MPV17: variants seen among roughly 807,000 people sequenced by gnomAD.
MPV17 encodes the protein mitochondrial inner membrane protein MPV17, also known as MPV17, mitochondrial inner membrane protein.
In MPV17, 31 loss-of-function variants were observed where a neutral mutation model predicts 28.6. That is an observed-to-expected ratio of 1.08 (90% CI 0.81 to 1.46). MPV17 has a LOEUF of 1.46. MPV17 is among the 40% of genes most tolerant of loss of function. The pLI, the probability that MPV17 is intolerant of heterozygous loss-of-function variation, is 0.00. For synonymous variants in MPV17, 87 were observed against 85.3 expected, an observed-to-expected ratio of 1.02 and a Z score of -0.11; for missense variants, 198 against 216.2, an observed-to-expected ratio of 0.92 and a Z score of 0.53.
chr2:27,322,713 A>C, intron 1 of MPV17, 191 bp from the exon 2 acceptor site: 1 of 613,678 alleles, frequency 1.6e-6, no homozygotes, highest in Admixed American at 2.7e-5. Flanking sequence ...ATTGGGGAAG[A>C]GAGAAAGGCT....
intron 2 of MPV17, among the ~76,000 whole-genome samples, chr2:27,318,474 C>A (rs1350151177): frequency 2.0e-5 from 3 of 152,214 alleles, no homozygotes; most frequent in Non-Finnish European, 4.4e-5. Flanking sequence ...TCTCCTGCCT[C>A]AGCCTCCTGA....
rs991796013 is a variant in MPV17 at position 27,311,447 on chromosome 2, A to T, written c.461+452T>A. On this transcript the variant is annotated intron_variant, in intron 7 of 7. Coordinates refer to ENST00000380044, the MANE Select transcript of MPV17 (RefSeq NM_002437.5). ...TTCCATATTTTCCCCTGTTCCCACG[A>T]TCCTTCACCTTCAAGCATTTGAACC... 6.3e-6 allele frequency: 5 copies of T among 790,538 alleles called. No homozygotes were observed. The Admixed American group carries it at 1.3e-4, about 21-fold the overall frequency. The allele number at this position is 790,538 out of a possible 1,614,324, so 49.0% of individuals were successfully genotyped here.
At chr2:27,310,556 C>A (rs1245368060) in intron 7 of MPV17, among the ~76,000 whole-genome samples, 1 of 152,184 alleles carries the variant, frequency 6.6e-6, no homozygotes, top group African/African-American at 2.4e-5. Flanking sequence ...CAGAAAGGGC[C>A]CCTATCTGGG....
At chr2:27,314,171 T>G (rs911678512) in intron 2 of MPV17, among the ~76,000 whole-genome samples, 2 of 152,010 alleles carry the variant, frequency 1.3e-5, no homozygotes, top group Non-Finnish European at 2.9e-5. Context: ...CAAAAAATTT[T>G]TTTAAACAAT....
chr2:27,315,010 A>T lies in MPV17; in HGVS notation c.71-1901T>A, dbSNP rs13420322. Among the ~76,000 whole-genome samples, 535 of 152,020 alleles carry T rather than the reference A, an allele frequency of 3.5e-3. 2 individuals carry two copies. The highest frequency in any genetic ancestry group is 0.012 in the African/African-American group (516 of 41,442). ...TACTGGCCATGGAGCAGCTCTGGGCACCCCCAGTCCTGCCTCGTCTCTCCC... is the reference window on the plus strand; with the variant it reads ...TACTGGCCATGGAGCAGCTCTGGGCTCCCCCAGTCCTGCCTCGTCTCTCCC... On this transcript the variant is annotated intron_variant, in intron 2 of 7. Transcript: ENST00000380044.
At chr2:27,314,245 G>A (rs1459837008) in intron 2 of MPV17, among the ~76,000 whole-genome samples, 3 of 152,116 alleles carry the variant, frequency 2.0e-5, no homozygotes, top group Non-Finnish European at 4.4e-5. Flanking sequence ...TAGGAGGACT[G>A]TTTGAGCCCA....
Position 27,309,933 on chromosome 2 carries a change from G to C in MPV17, c.510C>G (p.Ser170=), listed in dbSNP as rs1679365083. The C allele has an allele frequency of 6.2e-7, 1 of 1,613,886 alleles. No individual in the cohort carries two copies. Among genetic ancestry groups the C allele is most frequent in the African/African-American group, 1.3e-5 (1 of 74,926 alleles). Reference sequence around the variant, plus strand: ...AGGCTTAGAGCCGATGTGCCTTCCAGGACAGGTAGGAGTTCCAGATAACAG... The same window carrying C: ...AGGCTTAGAGCCGATGTGCCTTCCACGACAGGTAGGAGTTCCAGATAACAG... ...CVAVIWNSYL[S]WKAHRL Residue 170 remains serine, a synonymous_variant, in exon 8 of 8, where the codon TCC becomes TCG. Coordinates refer to ENST00000380044, the MANE Select transcript of MPV17 (RefSeq NM_002437.5).
intron 3 of MPV17, 68 bp downstream of exon 3, chr2:27,312,926 G>T (rs1679509703): frequency 6.3e-7 from 1 of 1,585,972 alleles, no homozygotes; most frequent in Non-Finnish European, 8.7e-7. Flanking sequence ...TCCAAGGGAA[G>T]CCAAAGGATG....
intron 2 of MPV17, among the ~76,000 whole-genome samples, chr2:27,318,559 T>C (rs1266014941): frequency 6.6e-6 from 1 of 151,168 alleles, no homozygotes; most frequent in Non-Finnish European, 1.5e-5. Flanking sequence ...GACTTCACCA[T>C]GTTGGCCAGG....
At chr2:27,312,062 G>C (rs1208006193) in intron 6 of MPV17, 111 bp from the exon 7 acceptor site, 5 of 1,465,948 alleles carry the variant, frequency 3.4e-6, no homozygotes, top group Non-Finnish European at 3.8e-6. Context: ...GTGAACAGTT[G>C]GGTGATGGCT....
chr2:27,313,058 C>T lies in MPV17; in HGVS notation c.122G>A (p.Arg41Gln), dbSNP rs140992482. 4.0e-5 allele frequency: 65 copies of T among 1,614,168 alleles called. No homozygotes were observed. The highest frequency in any genetic ancestry group is 1.6e-4 in the Middle Eastern group (1 of 6,062). The stretch of plus-strand genomic sequence containing the variant: ...GCCTCTCTGGTGTTCCTGCAGACCC[C>T]GCCTCTCCACCAGCTGCTGTGAGAT... Reference protein sequence around the residue: ...DIISQQLVERRGLQEHQRGRT... With the variant: ...DIISQQLVERQGLQEHQRGRT... The change falls in exon 3 of 8, where the codon CGG (arginine) becomes CAG (glutamine). Residue 41 changes from arginine (R) to glutamine (Q), a missense_variant. Coordinates refer to ENST00000380044, the MANE Select transcript of MPV17 (RefSeq NM_002437.5).
intron 2 of MPV17, chr2:27,322,141 G>A (rs1679883860): frequency 2.1e-6 from 1 of 474,522 alleles, no homozygotes; most frequent in South Asian, 2.4e-5. Context: ...TTTGCATACG[G>A]TAAAATGTTT....
intron 2 of MPV17, chr2:27,316,076 G>A: frequency 6.4e-7 from 1 of 1,550,640 alleles, no homozygotes; most frequent in South Asian, 1.2e-5. Flanking sequence ...CAAAGGGCCT[G>A]CATATCAAAG....
rs1447977629 is a variant in MPV17 at position 27,316,060 on chromosome 2, A to T, written c.71-2951T>A. 5 of 1,550,092 alleles carry T rather than the reference A, an allele frequency of 3.2e-6. No homozygotes were observed. In the South Asian group the frequency reaches 6.0e-5, roughly 18 times the overall value. ...CCTGCTGGGTGTTCCTGCCCAAGTG[A>T]GGCCCCAAAGGGCCTGCATATCAAA... On this transcript the variant is annotated intron_variant, in intron 2 of 7. Coordinates refer to ENST00000380044, the MANE Select transcript of MPV17 (RefSeq NM_002437.5).
Position 27,317,090 on chromosome 2 carries a change from T to C in MPV17, c.71-3981A>G. 6.5e-7 allele frequency: 1 copy of C among 1,548,390 alleles called. No individual in the cohort carries two copies. The highest frequency in any genetic ancestry group is 8.7e-7 in the Non-Finnish European group (1 of 1,146,572). Reference sequence around the variant, plus strand: ...TTCCTCTACTTACTTTTGTGGCTTTTGAGTTTCATGCGCAGAAGGCAGAGG... The same window carrying C: ...TTCCTCTACTTACTTTTGTGGCTTTCGAGTTTCATGCGCAGAAGGCAGAGG... On this transcript the variant is annotated intron_variant, in intron 2 of 7. Transcript: ENST00000380044. The surrounding 1 kb of genome is among the most constrained non-coding windows in gnomAD (Gnocchi z 4.0).
chr2:27,313,333 C>A (rs1230558712), intron 2 of MPV17: 3 of 970,372 alleles, frequency 3.1e-6, no homozygotes, highest in African/African-American at 3.3e-5. Context: ...ATGAGCAGAC[C>A]CAGGTCCAGG....
At chr2:27,322,037 G>A (rs1679878689) in intron 2 of MPV17, 1 of 221,798 alleles carries the variant, frequency 4.5e-6, no homozygotes, top group African/African-American at 2.3e-5. Flanking sequence ...TCTTGATTCA[G>A]CACTTATTAG....
At chr2:27,322,258 AC>A (rs1261141084) in intron 2 of MPV17, 189 bp downstream of exon 2, 4 of 651,360 alleles carry the variant, frequency 6.1e-6, no homozygotes, top group Non-Finnish European at 1.1e-5. Flanking sequence ...TTGGCCAACT[AC>A]GCATACCCCT....
At chr2:27,314,256 G>A (rs1385762858) in intron 2 of MPV17, among the ~76,000 whole-genome samples, 1 of 152,154 alleles carries the variant, frequency 6.6e-6, no homozygotes, top group African/African-American at 2.4e-5. Context: ...TTTGAGCCCA[G>A]GAGGTCCAGG....
Sources: gnomAD v4.1 joint callset for allele counts (sites outside exome capture counted in the v4.1 genomes callset) on GRCh38, gnomAD v4.1.1 for gene constraint, Gnocchi (gnomAD v3.1) non-coding constraint, MANE v1.5 for transcripts, NCBI Gene and HGNC (gene_info 2026-07-23, HGNC 2026-07-21) for gene names.